Variants in PIK3C2G observed in about 807,000 individuals in gnomAD.
The protein encoded by PIK3C2G is phosphatidylinositol 3-kinase C2 domain-containing subunit gamma.
A neutral mutation model predicts 181.1 loss-of-function variants in PIK3C2G; 168 were observed. That is an observed-to-expected ratio of 0.93 (90% CI 0.82 to 1.05). The LOEUF (loss-of-function observed/expected upper bound fraction) is 1.05. Ranked by LOEUF, PIK3C2G falls within the 50% of genes least tolerant of loss-of-function variation. PIK3C2G has a pLI of 0.00. For missense variants in PIK3C2G, 1,869 were observed against 1,732.8 expected, an observed-to-expected ratio of 1.08 and a Z score of -1.40; for synonymous variants, 573 against 592.2, an observed-to-expected ratio of 0.97 and a Z score of 0.47.
intron 18 of PIK3C2G, among the ~76,000 whole-genome samples, chr12:18,433,970 G>A (rs1946306732): frequency 2.0e-5 from 3 of 152,088 alleles, no homozygotes; most frequent in Admixed American, 2.0e-4. Context: ...TTCATCTTAT[G>A]GCTCAGTCAT....
chr12:18,623,972 T>A (rs1473378978), intron 31 of PIK3C2G, among the ~76,000 whole-genome samples: 1 of 151,766 alleles, frequency 6.6e-6, no homozygotes, highest in Non-Finnish European at 1.5e-5. Context: ...AATCATGCCA[T>A]CTGCAAACAA....
intron 8 of PIK3C2G, among the ~76,000 whole-genome samples, chr12:18,335,951 A>G (rs1275033800): frequency 6.6e-6 from 1 of 152,170 alleles, no homozygotes; most frequent in Non-Finnish European, 1.5e-5. Context: ...TCAATTAGTG[A>G]TGTTTATGAA....
chr12:18,352,350 G>A (rs1049197258), intron 11 of PIK3C2G, among the ~76,000 whole-genome samples: 3 of 152,166 alleles, frequency 2.0e-5, no homozygotes, highest in African/African-American at 7.2e-5. Context: ...TGACCCTTCT[G>A]CAGGACTCAT....
At chr12:18,255,850 T>C (rs1378147468) in intron 1 of PIK3C2G, among the ~76,000 whole-genome samples, 2 of 152,228 alleles carry the variant, frequency 1.3e-5, no homozygotes, top group African/African-American at 4.8e-5. Context: ...AAGGCAATGA[T>C]CAAATACCAC....
intron 5 of PIK3C2G, among the ~76,000 whole-genome samples, chr12:18,309,673 C>T (rs967996828): frequency 6.6e-6 from 1 of 151,658 alleles, no homozygotes; most frequent in Non-Finnish European, 1.5e-5. Flanking sequence ...ATTAAAGACA[C>T]ATGTATTTAA....
chr12:18,627,751 A>G (rs1949167296), intron 31 of PIK3C2G, among the ~76,000 whole-genome samples: 1 of 152,206 alleles, frequency 6.6e-6, no homozygotes, highest in Non-Finnish European at 1.5e-5. Context: ...CTGCAATGTG[A>G]CAGGCACATA....
intron 16 of PIK3C2G, among the ~76,000 whole-genome samples, chr12:18,417,189 T>C (rs1465189313): frequency 6.6e-6 from 1 of 152,178 alleles, no homozygotes; most frequent in East Asian, 1.9e-4. Flanking sequence ...TGTGACAGAA[T>C]TGCTGCAATC....
chr12:18,514,314 T>A (rs1055146253), intron 24 of PIK3C2G, among the ~76,000 whole-genome samples: 1 of 151,900 alleles, frequency 6.6e-6, no homozygotes, highest in African/African-American at 2.4e-5. Context: ...TGCTATTGGA[T>A]GGAATGTTTT....
chr12:18,387,422 C>T lies in PIK3C2G; in HGVS notation c.1996-3700C>T, dbSNP rs118169551. Among the ~76,000 whole-genome samples, 34 of 152,270 alleles carry T rather than the reference C, an allele frequency of 2.2e-4. No homozygotes were observed. The East Asian group carries it at 4.9e-3, about 22-fold the overall frequency. Reference sequence around the variant, plus strand: ...TCTTGCCAGTCCCTGTTTGACACTTCAAGCTTCAATAACTTTGAAAATGCT... The same window carrying T: ...TCTTGCCAGTCCCTGTTTGACACTTTAAGCTTCAATAACTTTGAAAATGCT... On this transcript the variant is annotated intron_variant, in intron 14 of 32. Coordinates refer to ENST00000538779, the MANE Select transcript of PIK3C2G (RefSeq NM_001288772.2).
intron 8 of PIK3C2G, among the ~76,000 whole-genome samples, chr12:18,334,577 T>C (rs190716177): frequency 6.6e-6 from 1 of 152,250 alleles, no homozygotes; most frequent in East Asian, 1.9e-4. Context: ...TCCTCCATCA[T>C]TAAAATATTA....
the PIK3C2G span, among the ~76,000 whole-genome samples, chr12:18,663,681 G>A: frequency 1.3e-5 from 2 of 151,868 alleles, no homozygotes; most frequent in African/African-American, 4.8e-5. Context: ...TATGATGTTG[G>A]ATTTGGCAAT....
intron 24 of PIK3C2G, among the ~76,000 whole-genome samples, chr12:18,512,201 G>T (rs531928048): frequency 6.6e-6 from 1 of 152,110 alleles, no homozygotes; most frequent in African/African-American, 2.4e-5. Flanking sequence ...GGACCATGCT[G>T]TTTTGATTAC....
intron 31 of PIK3C2G, among the ~76,000 whole-genome samples, chr12:18,610,059 A>G (rs955799227): frequency 1.3e-5 from 2 of 152,120 alleles, no homozygotes; most frequent in African/African-American, 4.8e-5. Context: ...TAGCCTCCAA[A>G]GAAAACTAAA....
Position 18,594,479 on chromosome 12 carries a change from C to T in PIK3C2G, c.4012-15C>T. The stretch of plus-strand genomic sequence containing the variant: ...TAAGAAATAAAGAAATATTATGTTT[C>T]ATTTTGTTTTTCAGAGTGATTGTGT... On this transcript the variant is annotated splice_polypyrimidine_tract_variant and intron_variant, in intron 29 of 32. Coordinates refer to ENST00000538779, the MANE Select transcript of PIK3C2G (RefSeq NM_001288772.2). 1 of 1,482,942 alleles carries T rather than the reference C, an allele frequency of 6.7e-7. No homozygotes were observed. The highest frequency in any genetic ancestry group is 1.3e-5 in the South Asian group (1 of 76,044). 91.9% of individuals were successfully genotyped at this position (1,482,942 alleles called of 1,614,324 possible).
intron 3 of PIK3C2G, among the ~76,000 whole-genome samples, chr12:18,287,487 C>T (rs1949497716): frequency 1.3e-5 from 2 of 152,138 alleles, no homozygotes; most frequent in African/African-American, 4.8e-5. Flanking sequence ...TTCTTTAAGG[C>T]AAATTTCATA....
At chr12:18,653,161 T>C (rs1950592363), downstream of PIK3C2G, among the ~76,000 whole-genome samples, 1 of 152,244 alleles carries the variant, frequency 6.6e-6, no homozygotes, top group African/African-American at 2.4e-5. Flanking sequence ...AACAAAGTGG[T>C]TGCAGTAGCA....
chr12:18,488,797 T>G (rs1433623814), intron 19 of PIK3C2G, among the ~76,000 whole-genome samples, 168 bp downstream of exon 19: 4 of 152,126 alleles, frequency 2.6e-5, no homozygotes, highest in Non-Finnish European at 4.4e-5. Flanking sequence ...CTTAAGTTAA[T>G]GATAATGTCT....
intron 29 of PIK3C2G, among the ~76,000 whole-genome samples, chr12:18,591,299 C>A (rs146192641): frequency 0.013 from 2,011 of 151,932 alleles, 156 homozygotes; most frequent in Admixed American, 0.12. Context: ...GATAAGAATA[C>A]CTGCATTTGA....
the PIK3C2G span, chr12:18,696,309 A>G: frequency 1.7e-6 from 1 of 588,694 alleles, no homozygotes. Context: ...ATTCAAATAA[A>G]TTTAAAAAGC....
Sources: allele counts gnomAD v4.1 joint callset (sites outside exome capture counted in the v4.1 genomes callset), GRCh38; gene constraint gnomAD v4.1.1; transcripts MANE v1.5; gene names NCBI Gene and HGNC (gene_info 2026-07-23, HGNC 2026-07-21).